Variants in FAM13A observed in about 807,000 individuals in gnomAD.
FAM13A encodes family with sequence similarity 13 member A, also known as protein FAM13A.
FAM13A carries 76 observed loss-of-function variants against 129.6 expected under a neutral mutation model. The observed-to-expected ratio is 0.59, with a 90% CI of 0.49 to 0.71. The LOEUF (loss-of-function observed/expected upper bound fraction) is 0.71, where lower values mean the gene tolerates loss of function less well. Ranked by LOEUF, FAM13A falls within the 30% of genes least tolerant of loss-of-function variation. The probability of loss-of-function intolerance (pLI) is 0.00; values close to 1 mark genes in which losing one functional copy is unlikely to be tolerated. For missense variants in FAM13A, 1,108 were observed against 1,249.3 expected (o/e 0.89, Z 1.70); for synonymous variants, 443 against 449.9 (o/e 0.98, Z 0.20).
chr4:89,014,121 AAATG>A (rs1483278293), intron 3 of FAM13A, among the ~76,000 whole-genome samples: 3 of 152,332 alleles, frequency 2.0e-5, no homozygotes, highest in African/African-American at 7.2e-5. Flanking sequence ...ATGAATGAAT[AAATG>A]AATGAATACA....
At chr4:88,869,788 A>C (rs1741047513) in intron 6 of FAM13A, among the ~76,000 whole-genome samples, 1 of 152,232 alleles carries the variant, frequency 6.6e-6, no homozygotes, top group Non-Finnish European at 1.5e-5. Flanking sequence ...GTATTCTGAA[A>C]AAAATAATTC....
chr4:88,787,889 A>G lies in FAM13A; in HGVS notation c.1135T>C (p.Phe379Leu), dbSNP rs777516080. The change falls in exon 10 of 24, where the codon TTT becomes CTT. Residue 379 changes from phenylalanine (F) to leucine (L), a missense_variant. By Grantham distance (22) the Phe-to-Leu change is conservative. Transcript: ENST00000264344. ...TIRSAVEQHL[F>L]DVNNSGGQSS... is the part of the protein sequence containing the mutation. Reference sequence around the variant, plus strand: ...TGACCTCCAGAGTTATTAACATCAAAAAGATGTTGTTCTACAGCTGATCGG... The same window carrying G: ...TGACCTCCAGAGTTATTAACATCAAGAAGATGTTGTTCTACAGCTGATCGG... 15 of 1,613,214 alleles carry G rather than the reference A, an allele frequency of 9.3e-6. No individual in the cohort carries two copies. Among genetic ancestry groups the G allele is most frequent in the Admixed American group, 1.7e-5 (1 of 59,938 alleles).
chr4:89,021,926 T>C (rs1767316376), intron 2 of FAM13A, among the ~76,000 whole-genome samples: 1 of 152,070 alleles, frequency 6.6e-6, no homozygotes, highest in African/African-American at 2.4e-5. Flanking sequence ...GGAGAGTAGC[T>C]GGTTTACGGC....
At chr4:88,860,364 C>T (rs1406397822) in intron 6 of FAM13A, among the ~76,000 whole-genome samples, 1 of 152,210 alleles carries the variant, frequency 6.6e-6, no homozygotes, top group Non-Finnish European at 1.5e-5. Context: ...GTAAGACTTA[C>T]ACTGTTCAGC....
intron 21 of FAM13A, chr4:88,736,638 G>A (rs1396862338): frequency 6.6e-6 from 1 of 152,136 alleles, no homozygotes; most frequent in African/African-American, 2.4e-5. Context: ...AGGCAGTCCA[G>A]TTTGTTCAGT....
At chr4:88,912,371 A>G (rs1749208208) in intron 5 of FAM13A, among the ~76,000 whole-genome samples, 1 of 152,084 alleles carries the variant, frequency 6.6e-6, no homozygotes, top group Non-Finnish European at 1.5e-5. Flanking sequence ...TTAAAACTCC[A>G]GGTTCTGCAG....
intron 7 of FAM13A, among the ~76,000 whole-genome samples, chr4:88,833,268 G>A (rs1351494440): frequency 1.3e-5 from 2 of 152,046 alleles, no homozygotes; most frequent in African/African-American, 4.8e-5. Context: ...TAATGCACAC[G>A]GGGCTTAATA....
chr4:88,747,610 C>T (rs1221464471), intron 18 of FAM13A, 21 bp downstream of exon 18: 6 of 1,598,930 alleles, frequency 3.8e-6, no homozygotes, highest in Non-Finnish European at 5.1e-6. Flanking sequence ...TAGGGCTTAG[C>T]ACTTCACAGA....
chr4:88,753,059 T>C (rs1742958637), intron 14 of FAM13A, among the ~76,000 whole-genome samples: 1 of 152,228 alleles, frequency 6.6e-6, no homozygotes, highest in South Asian at 2.1e-4. Flanking sequence ...AGTTTGACAT[T>C]TCTATTCATA....
chr4:88,873,235 G>A (rs1313303504), intron 6 of FAM13A, among the ~76,000 whole-genome samples: 2 of 152,014 alleles, frequency 1.3e-5, no homozygotes, highest in African/African-American at 2.4e-5. Flanking sequence ...AAGAACTAGA[G>A]AAGCAAGAGC....
At chr4:88,883,826 T>G (rs1452357733) in intron 6 of FAM13A, among the ~76,000 whole-genome samples, 1 of 39,468 alleles carries the variant, frequency 2.5e-5, no homozygotes, top group African/African-American at 2.1e-4. Flanking sequence ...AAACGAGAGG[T>G]ATTACAATTG....
At chr4:88,795,777 T>C (rs577622270) in intron 8 of FAM13A, among the ~76,000 whole-genome samples, 6 of 151,972 alleles carry the variant, frequency 3.9e-5, no homozygotes, top group Admixed American at 2.0e-4. Flanking sequence ...TTGATTCAAA[T>C]AGATGTTCTC....
chr4:88,976,523 A>G (rs1760920802), intron 4 of FAM13A, among the ~76,000 whole-genome samples: 1 of 152,164 alleles, frequency 6.6e-6, no homozygotes, highest in South Asian at 2.1e-4. Context: ...GTGCCACATG[A>G]CATTTTGTCA....
In FAM13A at chr4:89,057,174, C is replaced by T; in HGVS notation, c.-210G>A. 7.1e-7 allele frequency: 1 copy of T among 1,413,328 alleles called. No homozygotes were observed. Among genetic ancestry groups the T allele is most frequent in the Non-Finnish European group, 9.2e-7 (1 of 1,085,380 alleles). 87.5% of individuals were successfully genotyped at this position (1,413,328 alleles called of 1,614,324 possible). ...CGCTGAACCCACATGGCTGGAAGGA[C>T]TGCCTGGAGTTGAAATTTGATCCAC... On this transcript the variant is annotated 5_prime_UTR_variant, in exon 1 of 24. Transcript: ENST00000264344.
chr4:88,801,837 G>A (rs956613875), intron 8 of FAM13A, among the ~76,000 whole-genome samples: 77 of 147,714 alleles, frequency 5.2e-4, no homozygotes, highest in Non-Finnish European at 8.7e-4. Context: ...GGGGAGGTGG[G>A]AGCTGGTAGA....
At chr4:89,041,857 T>C (rs1359792559) in intron 1 of FAM13A, among the ~76,000 whole-genome samples, 1 of 151,660 alleles carries the variant, frequency 6.6e-6, no homozygotes, top group Non-Finnish European at 1.5e-5. Context: ...GCAGTAGAGG[T>C]TGCAGTGAGC....
At chr4:88,966,831 C>T (rs1759416235) in intron 4 of FAM13A, among the ~76,000 whole-genome samples, 1 of 152,184 alleles carries the variant, frequency 6.6e-6, no homozygotes, top group Non-Finnish European at 1.5e-5. Context: ...ACTCCACTCA[C>T]TAAACTAGGA....
At chr4:89,032,872 T>G (rs1379239200) in intron 1 of FAM13A, among the ~76,000 whole-genome samples, 1 of 152,148 alleles carries the variant, frequency 6.6e-6, no homozygotes, top group Non-Finnish European at 1.5e-5. Context: ...TCAGATCCCT[T>G]CTCCGGGAAA....
chr4:88,814,862 T>C (rs1193663948), intron 7 of FAM13A, among the ~76,000 whole-genome samples: 3 of 151,724 alleles, frequency 2.0e-5, no homozygotes, highest in Non-Finnish European at 4.4e-5. Context: ...TTGGGGGGAG[T>C]GTGACAGGGT....
Sources: gnomAD v4.1 joint callset for allele counts (sites outside exome capture counted in the v4.1 genomes callset) on GRCh38, gnomAD v4.1.1 for gene constraint, MANE v1.5 for transcripts, NCBI Gene and HGNC (gene_info 2026-07-23, HGNC 2026-07-21) for gene names.